Variants in PAPSS2 observed in about 807,000 individuals in gnomAD.
PAPSS2 encodes the protein bifunctional 3'-phosphoadenosine 5'-phosphosulfate synthase 2.
Under a neutral mutation model 66.5 loss-of-function variants are expected in PAPSS2, and 61 were observed. The ratio of observed to expected loss-of-function variants is 0.92; its 90% confidence interval spans 0.75 to 1.14. The LOEUF (loss-of-function observed/expected upper bound fraction) is 1.14. PAPSS2 is among the 50% of genes most tolerant of loss of function. The pLI is 0.00. For synonymous variants in PAPSS2, 289 were observed against 287.5 expected (o/e 1.01, Z -0.05); for missense variants, 708 against 789.6 (o/e 0.90, Z 1.24).
At chr10:87,721,128 AGATT>A (rs773619462) in intron 7 of PAPSS2, among the ~76,000 whole-genome samples, 3 of 152,232 alleles carry the variant, frequency 2.0e-5, no homozygotes, top group Non-Finnish European at 2.9e-5. Context: ...AGTTTGACAT[AGATT>A]ATTACATTTA....
chr10:87,680,819 C>A (rs1412265052), intron 1 of PAPSS2, among the ~76,000 whole-genome samples: 1 of 151,990 alleles, frequency 6.6e-6, no homozygotes, highest in Non-Finnish European at 1.5e-5. Context: ...ACTAATCTTG[C>A]CGGTTTTTGA....
At chr10:87,709,127 A>G (rs1438530216) in intron 1 of PAPSS2, 69 bp from the exon 2 acceptor site, 1 of 998,700 alleles carries the variant, frequency 1.0e-6, no homozygotes, top group African/African-American at 1.6e-5. Flanking sequence ...AGATGGATTT[A>G]TATTGGCTCC....
Position 87,709,576 on chromosome 10 carries a change from C to T in PAPSS2, c.145+263C>T, listed in dbSNP as rs535092132. On this transcript the variant is annotated intron_variant, in intron 2 of 12. Transcript: ENST00000456849. Reference sequence around the variant, plus strand: ...TTTTCTCCTCTTTGGCAGGAAAGGACGGGACAAGATGATTATGACATCCCC... The same window carrying T: ...TTTTCTCCTCTTTGGCAGGAAAGGATGGGACAAGATGATTATGACATCCCC... Among the ~76,000 whole-genome samples, 16 of 152,198 alleles carry T rather than the reference C, an allele frequency of 1.1e-4. No individual in the cohort carries two copies. In the South Asian group the frequency reaches 1.9e-3, roughly 18 times the overall value.
intron 2 of PAPSS2, 35 bp downstream of exon 2, chr10:87,709,348 A>C (rs1853437627): frequency 1.7e-6 from 2 of 1,193,860 alleles, no homozygotes; most frequent in Non-Finnish European, 2.5e-6. Context: ...TATATATACA[A>C]ATTGCAAACT....
At chr10:87,724,675 T>C (rs567395283) in intron 8 of PAPSS2, among the ~76,000 whole-genome samples, 42 of 147,860 alleles carry the variant, frequency 2.8e-4, no homozygotes, top group South Asian at 1.3e-3. Context: ...AATTATTTAT[T>C]ATTATGGAGC....
chr10:87,672,146 A>C (rs1277697159), intron 1 of PAPSS2, among the ~76,000 whole-genome samples: 1 of 152,174 alleles, frequency 6.6e-6, no homozygotes, highest in Non-Finnish European at 1.5e-5. Context: ...AATTCCCTGC[A>C]GTCTTCTTGT....
intron 1 of PAPSS2, among the ~76,000 whole-genome samples, chr10:87,679,900 C>T (rs1397477686): frequency 6.6e-6 from 1 of 151,856 alleles, no homozygotes; most frequent in East Asian, 1.9e-4. Flanking sequence ...GTGGTGCGTG[C>T]CTGTAGTCCC....
In PAPSS2 at chr10:87,660,035, C is replaced by T. The variant is rs758206859; in HGVS notation, c.27+27C>T. Reference sequence around the variant, plus strand: ...TAGGCTTCCAGGCGCCGGCTTCCCTCCCCGCCACCGCACTGCACGCGCCGA... The same window carrying T: ...TAGGCTTCCAGGCGCCGGCTTCCCTTCCCGCCACCGCACTGCACGCGCCGA... On this transcript the variant is annotated intron_variant, in intron 1 of 12. Transcript: ENST00000456849. The T allele has an allele frequency of 6.2e-6, 10 of 1,606,460 alleles. No individual in the cohort carries two copies. The African/African-American group carries it at 9.4e-5, about 15-fold the overall frequency.
chr10:87,724,851 T>TACACACACACACACAC lies in PAPSS2; in HGVS notation c.881-2427_881-2412dup, dbSNP rs58668772. On this transcript the variant is annotated intron_variant, in intron 8 of 12. Coordinates refer to ENST00000456849, the MANE Select transcript of PAPSS2 (RefSeq NM_001015880.2). ...TAGGTATACAATAAATCTCTGTCTA[T>TACACACACACACACAC]ACACACACACACACACACACATACA... Among the ~76,000 whole-genome samples the TACACACACACACACAC allele has an allele frequency of 7.2e-3, 993 of 138,318 alleles. 21 individuals are homozygous for TACACACACACACACAC. Among genetic ancestry groups the TACACACACACACACAC allele is most frequent in the African/African-American group, 0.025 (891 of 35,938 alleles). The allele number at this position is 138,318 out of a possible 152,430, so 90.7% of individuals were successfully genotyped here.
chr10:87,712,982 A>C, intron 2 of PAPSS2, 93 bp from the exon 3 acceptor site: 1 of 704,082 alleles, frequency 1.4e-6, no homozygotes, highest in Non-Finnish European at 2.5e-6. Flanking sequence ...TTTTTTTAAG[A>C]TTTAGTTATA....
chr10:87,694,735 A>G (rs987072056), intron 1 of PAPSS2, among the ~76,000 whole-genome samples: 2 of 152,228 alleles, frequency 1.3e-5, no homozygotes, highest in Non-Finnish European at 2.9e-5. Context: ...AGTGATTACA[A>G]GTTTTGGATA....
chr10:87,703,734 A>G (rs781285246), intron 1 of PAPSS2: 6 of 518,790 alleles, frequency 1.2e-5, no homozygotes, highest in South Asian at 7.0e-5. Flanking sequence ...CATGCTACAG[A>G]GAGTTTTTCT....
At chr10:87,684,094 C>G (rs1853058774) in intron 1 of PAPSS2, among the ~76,000 whole-genome samples, 1 of 152,126 alleles carries the variant, frequency 6.6e-6, no homozygotes, top group African/African-American at 2.4e-5. Context: ...TCACTCTGTA[C>G]CAGTACGTGT....
chr10:87,660,056 G>GCCGACCC (rs1274680819), intron 1 of PAPSS2, 48 bp downstream of exon 1: 1 of 1,584,816 alleles, frequency 6.3e-7, no homozygotes. Context: ...CACTGCACGC[G>GCCGACCC]CCGACCCCCA....
chr10:87,717,239 G>A (rs1236697106), intron 7 of PAPSS2, among the ~76,000 whole-genome samples: 3 of 152,240 alleles, frequency 2.0e-5, no homozygotes, highest in Admixed American at 2.0e-4. Context: ...CCATGAGCAA[G>A]AGGTTGATTT....
chr10:87,729,986 C>T (rs1334534585), intron 9 of PAPSS2, among the ~76,000 whole-genome samples: 2 of 152,210 alleles, frequency 1.3e-5, no homozygotes, highest in African/African-American at 4.8e-5. Flanking sequence ...AAGAGCGATA[C>T]TCCGTCTCAA....
chr10:87,680,572 C>G (rs1853007147), intron 1 of PAPSS2, among the ~76,000 whole-genome samples: 1 of 152,034 alleles, frequency 6.6e-6, no homozygotes, highest in South Asian at 2.1e-4. Flanking sequence ...GTTTTTGCAG[C>G]AGTCATGACC....
intron 1 of PAPSS2, among the ~76,000 whole-genome samples, chr10:87,695,426 C>T (rs959217985): frequency 5.9e-5 from 9 of 152,150 alleles, no homozygotes; most frequent in African/African-American, 1.7e-4. Flanking sequence ...AATAATTAGA[C>T]CATAGCAGCC....
chr10:87,687,930 T>G (rs6586094), intron 1 of PAPSS2, among the ~76,000 whole-genome samples: 1 of 152,054 alleles, frequency 6.6e-6, no homozygotes, highest in Non-Finnish European at 1.5e-5. Context: ...TTTAAATGAT[T>G]TGATTTAGAC....
Sources: gnomAD v4.1 joint callset for allele counts (sites outside exome capture counted in the v4.1 genomes callset) on GRCh38, gnomAD v4.1.1 for gene constraint, MANE v1.5 for transcripts, NCBI Gene and HGNC (gene_info 2026-07-23, HGNC 2026-07-21) for gene names.